Variants in RARB observed in about 807,000 individuals in gnomAD.
RARB encodes the protein retinoic acid receptor beta, also known as HBV-activated protein.
RARB carries 17 observed loss-of-function variants against 51.9 expected under a neutral mutation model. That is an observed-to-expected ratio of 0.33 (90% CI 0.22 to 0.49). RARB has a LOEUF of 0.49. RARB is among the 20% of genes least tolerant of loss of function. The pLI, the probability that RARB is intolerant of heterozygous loss-of-function variation, is 0.99. For missense variants in RARB, 369 were observed against 550.8 expected (o/e 0.67, Z 3.30); for synonymous variants, 215 against 195.4 (o/e 1.10, Z -0.84).
intron 2 of RARB, among the ~76,000 whole-genome samples, chr3:25,021,899 T>C (rs1697646879): frequency 6.6e-6 from 1 of 152,172 alleles, no homozygotes; most frequent in Non-Finnish European, 1.5e-5. Context: ...AGATTGTATT[T>C]ATACATTTTA....
intron 2 of RARB, among the ~76,000 whole-genome samples, chr3:24,938,128 A>T (rs917032610): frequency 6.6e-6 from 1 of 152,168 alleles, no homozygotes; most frequent in Non-Finnish European, 1.5e-5. Flanking sequence ...ATCAAGGTTA[A>T]CCTTGGCTGG....
At chr3:24,853,253 C>T (rs567921798) in intron 1 of RARB, among the ~76,000 whole-genome samples, 1 of 152,050 alleles carries the variant, frequency 6.6e-6, no homozygotes, top group Admixed American at 6.5e-5. Flanking sequence ...GGAGGCGGAG[C>T]TTGCAGTGAG....
intron 2 of RARB, among the ~76,000 whole-genome samples, chr3:24,875,091 C>G (rs112703900): frequency 6.6e-6 from 1 of 151,992 alleles, no homozygotes; most frequent in Admixed American, 6.6e-5. Context: ...TTGGTTCTAT[C>G]TTTTTCTAAT....
In RARB at chr3:25,272,708, G is replaced by A. The variant is rs773328145; in HGVS notation, c.178+98133G>A. ...CACTGCCCTAAGGCCTGTTCTCAAC[G>A]CCTTAAGTAGTTTTACTGCAAAGGC... On this transcript the variant is annotated intron_variant, in intron 5 of 11. Transcript: ENST00000383772. Among the ~76,000 whole-genome samples the A allele has an allele frequency of 1.7e-4, 26 of 152,286 alleles. No individual in the cohort carries two copies. The South Asian group carries it at 1.9e-3, about 11-fold the overall frequency.
intron 2 of RARB, among the ~76,000 whole-genome samples, chr3:25,492,330 C>T (rs1414084142): frequency 2.6e-5 from 4 of 152,212 alleles, no homozygotes; most frequent in African/African-American, 7.2e-5. Flanking sequence ...AGTAATCTCT[C>T]CTTACTATTG....
chr3:25,253,666 A>G (rs1702786494), intron 5 of RARB, among the ~76,000 whole-genome samples: 1 of 152,212 alleles, frequency 6.6e-6, no homozygotes, highest in Non-Finnish European at 1.5e-5. Context: ...TTTCTAGAAT[A>G]AATACAGCAG....
intron 5 of RARB, among the ~76,000 whole-genome samples, chr3:25,345,329 T>C (rs184888086): frequency 5.8e-4 from 88 of 152,254 alleles, no homozygotes; most frequent in African/African-American, 1.9e-3. Context: ...TTTTCGGCTG[T>C]TGTGCCCAAT....
At chr3:25,084,898 C>T (rs1350399057) in intron 3 of RARB, among the ~76,000 whole-genome samples, 1 of 152,012 alleles carries the variant, frequency 6.6e-6, no homozygotes, top group Admixed American at 6.6e-5. Context: ...CTACCATAAA[C>T]TGATTTATTC....
At chr3:25,106,452 T>G (rs1189983023) in intron 3 of RARB, among the ~76,000 whole-genome samples, 19 of 25,340 alleles carry the variant, frequency 7.5e-4, no homozygotes, top group East Asian at 8.3e-3. Context: ...CTGTTTTTTG[T>G]TTTTTGTTTT....
intron 4 of RARB, among the ~76,000 whole-genome samples, chr3:25,138,971 T>C (rs1700071784): frequency 6.6e-6 from 1 of 152,158 alleles, no homozygotes; most frequent in Non-Finnish European, 1.5e-5. Flanking sequence ...TTTTTCATTA[T>C]TATTTTATCT....
chr3:25,152,530 C>T (rs994180428), intron 4 of RARB, among the ~76,000 whole-genome samples: 1 of 152,102 alleles, frequency 6.6e-6, no homozygotes, highest in Admixed American at 6.5e-5. Flanking sequence ...TAATTAAACA[C>T]TGCTCCCAGG....
At chr3:24,893,992 GAACA>G (rs1242739952) in intron 2 of RARB, among the ~76,000 whole-genome samples, 3 of 148,220 alleles carry the variant, frequency 2.0e-5, no homozygotes, top group African/African-American at 5.2e-5. Context: ...AATATTTGTT[GAACA>G]AACAAATGAA....
intron 2 of RARB, among the ~76,000 whole-genome samples, chr3:24,972,198 A>T (rs754985788): frequency 1.3e-5 from 2 of 151,808 alleles, no homozygotes; most frequent in Non-Finnish European, 2.9e-5. Flanking sequence ...TCTTTTCATG[A>T]AATCCACTCT....
rs184730416 is a variant in RARB at position 25,079,814 on chromosome 3, G to T, written c.-328+19638G>T. On this transcript the variant is annotated intron_variant, in intron 3 of 11. Coordinates refer to the RARB transcript ENST00000383772. ...AGATTTTCATGACTATATTCATGAGGGATGTTAGTCTAAATTTTTCTTGTA... is the reference window on the plus strand; with the variant it reads ...AGATTTTCATGACTATATTCATGAGTGATGTTAGTCTAAATTTTTCTTGTA... 4.1e-4 allele frequency among the ~76,000 whole-genome samples: 63 copies of T among 152,188 alleles called. 1 individual carries two copies. The highest frequency in any genetic ancestry group is 1.5e-3 in the African/African-American group (61 of 41,532).
At chr3:24,895,514 T>C (rs897605800) in intron 2 of RARB, among the ~76,000 whole-genome samples, 1 of 152,170 alleles carries the variant, frequency 6.6e-6, no homozygotes, top group Non-Finnish European at 1.5e-5. Context: ...TATCAAGGTG[T>C]AGTTGTTTAA....
chr3:25,219,030 A>C (rs147894141), intron 5 of RARB, among the ~76,000 whole-genome samples: 2 of 152,150 alleles, frequency 1.3e-5, no homozygotes, highest in Admixed American at 1.3e-4. Flanking sequence ...CCCTTTGTCA[A>C]CCCATCATGT....
At chr3:25,330,074 A>T (rs1208737487) in intron 5 of RARB, among the ~76,000 whole-genome samples, 5 of 152,246 alleles carry the variant, frequency 3.3e-5, no homozygotes, top group Non-Finnish European at 5.9e-5. Flanking sequence ...CAATGGAACC[A>T]AGTTGGAAAA....
intron 2 of RARB, among the ~76,000 whole-genome samples, chr3:24,872,489 A>C (rs1415365642): frequency 6.6e-6 from 1 of 152,208 alleles, no homozygotes; most frequent in Non-Finnish European, 1.5e-5. Flanking sequence ...CATACTATGC[A>C]AGAAGCACGG....
chr3:25,052,242 G>A (rs1412196414), intron 2 of RARB, among the ~76,000 whole-genome samples: 1 of 152,164 alleles, frequency 6.6e-6, no homozygotes, highest in African/African-American at 2.4e-5. Context: ...ATATGTGACA[G>A]AGAGGATGCA....
Sources: gnomAD v4.1 joint callset for allele counts (sites outside exome capture counted in the v4.1 genomes callset) on GRCh38, gnomAD v4.1.1 for gene constraint, MANE v1.5 for transcripts, NCBI Gene and HGNC (gene_info 2026-07-23, HGNC 2026-07-21) for gene names.